Variants in GRIA3 observed in about 807,000 individuals in gnomAD.
GRIA3 encodes glutamate ionotropic receptor AMPA type subunit 3.
A neutral mutation model predicts 63.0 loss-of-function variants in GRIA3; 3 were observed. That is an observed-to-expected ratio of 0.05 (90% confidence interval 0.02 to 0.12). GRIA3 has a LOEUF of 0.12. Ranked by LOEUF, GRIA3 falls within the 10% of genes least tolerant of loss-of-function variation. The probability of loss-of-function intolerance (pLI) is 1.00; values close to 1 mark genes in which losing one functional copy is unlikely to be tolerated. For synonymous variants in GRIA3, 274 were observed against 257.9 expected, an observed-to-expected ratio of 1.06 and a Z score of -0.60; for missense variants, 347 against 700.9, an observed-to-expected ratio of 0.50 and a Z score of 5.70.
chrX:123,361,394 G>C (rs2045173414), intron 5 of GRIA3: 1 of 111,782 alleles, frequency 8.9e-6, no homozygotes, highest in Non-Finnish European at 1.9e-5. Context: ...CTGGAGCCTG[G>C]CTTTGCAGGC....
intron 3 of GRIA3, among the ~76,000 whole-genome samples, chrX:123,309,792 G>A (rs574267704): frequency 8.9e-6 from 1 of 111,891 alleles, no homozygotes; most frequent in Admixed American, 9.4e-5. Context: ...TGCTGGGCTG[G>A]CCTATTGCTG....
chrX:123,262,122 C>G (rs1246775184), intron 3 of GRIA3, among the ~76,000 whole-genome samples: 3 of 111,882 alleles, frequency 2.7e-5, no homozygotes, highest in African/African-American at 9.8e-5. Context: ...AGACCTGCAA[C>G]TGTGACTTTG....
At position 123,394,926 on chromosome X, in the gene GRIA3, A is replaced by G. The variant is rs2297746; in HGVS notation, c.751-42A>G. 5.9e-3 allele frequency: 6,018 copies of G among 1,015,823 alleles called. 227 individuals carry two copies. The Admixed American group carries it at 0.1, about 18-fold the overall frequency. 83.7% of individuals were successfully genotyped at this position (1,015,823 alleles called of 1,213,427 possible). ...TCTAACAGATATGGTGAGTAAGAAC[A>G]TACAACTTCCCACAATCATGATCCT... is the stretch of plus-strand genomic sequence containing the variant. On this transcript the variant is annotated intron_variant, in intron 5 of 15. Transcript: ENST00000620443.
intron 4 of GRIA3, among the ~76,000 whole-genome samples, chrX:123,335,836 G>A (rs1313500184): frequency 8.9e-6 from 1 of 111,948 alleles, no homozygotes; most frequent in Non-Finnish European, 1.9e-5. Flanking sequence ...TACTTCATAT[G>A]ACTTACACTG....
intron 3 of GRIA3, among the ~76,000 whole-genome samples, chrX:123,267,241 C>T (rs2044493561): frequency 9.0e-6 from 1 of 111,694 alleles, no homozygotes; most frequent in Non-Finnish European, 1.9e-5. Flanking sequence ...TAGGCTGTGT[C>T]CTCAGATAAT....
chrX:123,455,268 C>CAAAA (rs2045755243), intron 12 of GRIA3, among the ~76,000 whole-genome samples: 1 of 111,653 alleles, frequency 9.0e-6, no homozygotes, highest in Non-Finnish European at 1.9e-5. Context: ...TTGTCTGAAG[C>CAAAA]AAAAGGACAC....
chrX:123,305,832 C>T (rs1009848948), intron 3 of GRIA3, among the ~76,000 whole-genome samples: 5 of 111,988 alleles, frequency 4.5e-5, no homozygotes, highest in Admixed American at 3.8e-4. Context: ...TGGTACTATT[C>T]GAACCTTGGA....
Position 123,189,515 on chromosome X carries a change from C to T in GRIA3, c.268+3525C>T, listed in dbSNP as rs1245221747. Among the ~76,000 whole-genome samples, 14 of 111,949 alleles carry T rather than the reference C, an allele frequency of 1.3e-4. No individual in the cohort carries two copies. The Admixed American group carries it at 1.3e-3, about 11-fold the overall frequency. ...ACTTGTAGTGCACTCCACACTACAC[C>T]GCCCCAGCCTCTGCAGTGTCAGCTC... On this transcript the variant is annotated intron_variant, in intron 2 of 15. Coordinates refer to ENST00000620443, the MANE Select transcript of GRIA3 (RefSeq NM_007325.5).
intron 10 of GRIA3, among the ~76,000 whole-genome samples, chrX:123,406,158 A>T (rs1285067144): frequency 8.9e-6 from 1 of 112,784 alleles, no homozygotes; most frequent in Non-Finnish European, 1.9e-5. Flanking sequence ...GCACATGTAA[A>T]TAAGCAGAAC....
intron 2 of GRIA3, among the ~76,000 whole-genome samples, chrX:123,230,405 T>TA (rs1352235206): frequency 9.0e-6 from 1 of 111,700 alleles, no homozygotes; most frequent in African/African-American, 3.3e-5. Context: ...TAACGATCAC[T>TA]AATACCTTGT....
intron 5 of GRIA3, among the ~76,000 whole-genome samples, chrX:123,368,353 G>A (rs1339569143): frequency 9.0e-6 from 1 of 111,713 alleles, no homozygotes; most frequent in Non-Finnish European, 1.9e-5. Flanking sequence ...CAGGCAGACA[G>A]GTAGGATATG....
chrX:123,234,739 A>G (rs1484774857), intron 2 of GRIA3, among the ~76,000 whole-genome samples: 1 of 112,072 alleles, frequency 8.9e-6, no homozygotes, highest in Non-Finnish European at 1.9e-5. Flanking sequence ...ATAATAAAAT[A>G]ATAACTCTGT....
chrX:123,328,215 G>A (rs2044918967), intron 4 of GRIA3, among the ~76,000 whole-genome samples: 1 of 111,245 alleles, frequency 9.0e-6, no homozygotes, highest in African/African-American at 3.3e-5. Flanking sequence ...CTACATAATG[G>A]AGAAAATAAA....
chrX:123,246,300 A>G (rs1165841129), intron 2 of GRIA3, among the ~76,000 whole-genome samples: 2 of 112,187 alleles, frequency 1.8e-5, no homozygotes, highest in Admixed American at 9.4e-5. Flanking sequence ...CAAGACTATT[A>G]TCATACAGTT....
Position 123,284,079 on chromosome X carries a change from G to A in GRIA3, c.508+30537G>A, listed in dbSNP as rs779528363. On this transcript the variant is annotated intron_variant, in intron 3 of 15. Coordinates refer to ENST00000620443, the MANE Select transcript of GRIA3 (RefSeq NM_007325.5). ...AGGCAGCAATCTTTGCTGTTCTGCA[G>A]CCTCTGCTGGTAATAACCAGGCAAA... Among the ~76,000 whole-genome samples the A allele has an allele frequency of 3.5e-5, 4 of 112,867 alleles. No homozygotes were observed. In the Admixed American group the frequency reaches 3.7e-4, roughly 10 times the overall value.
At chrX:123,435,841 T>A (rs1477176204) in intron 12 of GRIA3, among the ~76,000 whole-genome samples, 2 of 112,299 alleles carry the variant, frequency 1.8e-5, no homozygotes, top group Non-Finnish European at 3.8e-5. Context: ...ATGACTTTCT[T>A]ATTTTTCTTT....
chrX:123,377,265 T>A (rs1437822275), intron 5 of GRIA3, among the ~76,000 whole-genome samples: 1 of 111,881 alleles, frequency 8.9e-6, no homozygotes, highest in Non-Finnish European at 1.9e-5. Flanking sequence ...CCCTTGTGGA[T>A]ATTTGTTGGT....
chrX:123,287,583 C>G (rs761864638), intron 3 of GRIA3, among the ~76,000 whole-genome samples: 2 of 111,976 alleles, frequency 1.8e-5, no homozygotes, highest in South Asian at 7.5e-4. Context: ...GATACAAAAT[C>G]AATGTGCAAA....
chrX:123,258,851 A>G (rs1419072771), intron 3 of GRIA3, among the ~76,000 whole-genome samples: 1 of 112,059 alleles, frequency 8.9e-6, no homozygotes, highest in Non-Finnish European at 1.9e-5. Context: ...AGATCTTTCT[A>G]TTTCCTCTCG....
Sources: allele counts gnomAD v4.1 joint callset (sites outside exome capture counted in the v4.1 genomes callset), GRCh38; gene constraint gnomAD v4.1.1; transcripts MANE v1.5; gene names NCBI Gene and HGNC (gene_info 2026-07-23, HGNC 2026-07-21).